SLC2A9: variants seen among roughly 807,000 people sequenced by gnomAD.
SLC2A9 encodes solute carrier family 2 member 9.
Under a neutral mutation model 50.6 loss-of-function variants are expected in SLC2A9, and 39 were observed. The observed-to-expected ratio is 0.77, with a 90% CI of 0.60 to 1.01. SLC2A9 has a LOEUF of 1.01. SLC2A9 is among the 50% of genes least tolerant of loss of function. The pLI, the probability that SLC2A9 is intolerant of heterozygous loss-of-function variation, is 0.00. For synonymous variants in SLC2A9, 324 were observed against 276.9 expected (o/e 1.17, Z -1.69); for missense variants, 686 against 677.6 (o/e 1.01, Z -0.14).
intron 6 of SLC2A9, among the ~76,000 whole-genome samples, chr4:9,927,168 T>G (rs1449503203): frequency 6.8e-6 from 1 of 146,742 alleles, no homozygotes; most frequent in East Asian, 1.9e-4. Context: ...TAGCTGAGAT[T>G]ACAGGCATCC....
intron 11 of SLC2A9, 50 bp downstream of exon 11, chr4:9,834,830 CT>C: frequency 6.2e-7 from 1 of 1,613,292 alleles, no homozygotes; most frequent in Non-Finnish European, 8.5e-7. Context: ...CCCTCAAGTG[CT>C]GCAGAATCAA....
chr4:9,987,611 T>G (rs562388463), intron 3 of SLC2A9, among the ~76,000 whole-genome samples: 2 of 152,292 alleles, frequency 1.3e-5, no homozygotes, highest in African/African-American at 4.8e-5. Flanking sequence ...CTTGCGCTCT[T>G]CCCACCAGCT....
chr4:9,874,569 G>A (rs886732204), intron 10 of SLC2A9, among the ~76,000 whole-genome samples: 1 of 152,220 alleles, frequency 6.6e-6, no homozygotes, highest in African/African-American at 2.4e-5. Context: ...TCTGGAGAAC[G>A]GAGTGCACAT....
intron 7 of SLC2A9, among the ~76,000 whole-genome samples, chr4:9,918,354 C>G (rs1198008990): frequency 6.6e-6 from 1 of 152,164 alleles, no homozygotes; most frequent in Non-Finnish European, 1.5e-5. Context: ...CAGGGGAGAG[C>G]TGGACCACAG....
At chr4:9,859,900 G>A (rs1106058) in intron 10 of SLC2A9, among the ~76,000 whole-genome samples, 39,504 of 152,060 alleles carry the variant, frequency 0.26, 5,528 homozygotes, top group Admixed American at 0.39. Flanking sequence ...CCTCTGCAAG[G>A]CCGAACCATT....
intron 3 of SLC2A9, among the ~76,000 whole-genome samples, chr4:9,785,246 CTGTT>C (rs1466919940): frequency 6.6e-6 from 1 of 152,178 alleles, no homozygotes; most frequent in Non-Finnish European, 1.5e-5. Flanking sequence ...AACTAGATCA[CTGTT>C]TACCCAATTG....
At chr4:9,773,605 G>T (rs1394471858) in intron 1 of SLC2A9, among the ~76,000 whole-genome samples, 1 of 152,242 alleles carries the variant, frequency 6.6e-6, no homozygotes, top group Non-Finnish European at 1.5e-5. Flanking sequence ...CAGGAGCCAG[G>T]CATGTGAAAG....
At chr4:10,022,730 G>T (rs567192633), upstream of SLC2A9, among the ~76,000 whole-genome samples, 2 of 152,308 alleles carry the variant, frequency 1.3e-5, no homozygotes, top group South Asian at 2.1e-4. Context: ...AAAATAAAAG[G>T]TGTGGAGTAC....
At chr4:10,037,531 A>G (rs541532620) in intron 1 of SLC2A9, among the ~76,000 whole-genome samples, 7 of 152,344 alleles carry the variant, frequency 4.6e-5, no homozygotes, top group Admixed American at 4.6e-4. Flanking sequence ...TTGTCTGGGA[A>G]TCAAAATTAA....
chr4:9,847,253 T>C (rs995668695), intron 10 of SLC2A9, among the ~76,000 whole-genome samples: 18 of 152,166 alleles, frequency 1.2e-4, no homozygotes, highest in Non-Finnish European at 2.1e-4. Context: ...CTTATGATCA[T>C]GGTGGAAAGG....
At chr4:9,805,346 C>T (rs1721978600) in intron 3 of SLC2A9, among the ~76,000 whole-genome samples, 1 of 152,232 alleles carries the variant, frequency 6.6e-6, no homozygotes, top group African/African-American at 2.4e-5. Flanking sequence ...CAACACACAT[C>T]ATGCCCATCT....
chr4:9,886,717 G>C (rs979987847), intron 10 of SLC2A9, among the ~76,000 whole-genome samples: 1 of 152,046 alleles, frequency 6.6e-6, no homozygotes, highest in Non-Finnish European at 1.5e-5. Flanking sequence ...CACAACCAAA[G>C]AACAGCCATG....
chr4:9,955,256 G>A lies in SLC2A9; in HGVS notation c.682-13211C>T, dbSNP rs1288927727. Among the ~76,000 whole-genome samples, 8 of 43,652 alleles carry A rather than the reference G, an allele frequency of 1.8e-4. 4 individuals are homozygous for A. The highest frequency in any genetic ancestry group is 1.8e-3 in the African/African-American group (8 of 4,532). The allele number at this position is 43,652 out of a possible 152,430, so 28.6% of individuals were successfully genotyped here. On this transcript the variant is annotated intron_variant, in intron 5 of 11. Coordinates refer to ENST00000264784, the MANE Select transcript of SLC2A9 (RefSeq NM_020041.3). Reference sequence around the variant, plus strand: ...GCTTGTAATCCCAGCACTTTGGGAGGCCGAGGCGGGTGGATCACGAGGTCA... The same window carrying A: ...GCTTGTAATCCCAGCACTTTGGGAGACCGAGGCGGGTGGATCACGAGGTCA...
intron 2 of SLC2A9, among the ~76,000 whole-genome samples, chr4:9,998,419 T>C (rs1229322690): frequency 6.6e-6 from 1 of 152,158 alleles, no homozygotes; most frequent in Non-Finnish European, 1.5e-5. Flanking sequence ...CTCAGGGCTG[T>C]TGTGAGGGTC....
At chr4:10,007,878 C>G (rs983529120) in intron 2 of SLC2A9, among the ~76,000 whole-genome samples, 4 of 152,000 alleles carry the variant, frequency 2.6e-5, no homozygotes, top group Admixed American at 1.3e-4. Context: ...GAACCCCTAG[C>G]TTGTAGATGA....
At chr4:9,784,851 T>C (rs1719016030) in intron 3 of SLC2A9, among the ~76,000 whole-genome samples, 1 of 152,218 alleles carries the variant, frequency 6.6e-6, no homozygotes, top group African/African-American at 2.4e-5. Flanking sequence ...GTTCAATCAA[T>C]TTTGATCTCT....
chr4:9,832,743 C>T (rs1401996282), intron 11 of SLC2A9, among the ~76,000 whole-genome samples: 3 of 152,202 alleles, frequency 2.0e-5, no homozygotes, highest in Non-Finnish European at 2.9e-5. Context: ...GTTACTACAT[C>T]TCTCTGAGCT....
At position 9,948,853 on chromosome 4, in the gene SLC2A9, G is replaced by A. The variant is rs79501171; in HGVS notation, c.682-6808C>T. ...ATCTCCATCTCAGGGTCTCTTTTCTGGGGAACTCAACCTAAGACACATCTA... is the reference window on the plus strand; with the variant it reads ...ATCTCCATCTCAGGGTCTCTTTTCTAGGGAACTCAACCTAAGACACATCTA... On this transcript the variant is annotated intron_variant, in intron 5 of 11. Transcript: ENST00000264784. Among the ~76,000 whole-genome samples the A allele has an allele frequency of 8.5e-3, 1,291 of 152,240 alleles. 6 individuals are homozygous for A. The highest frequency in any genetic ancestry group is 0.034 in the Middle Eastern group (10 of 294).
At chr4:9,868,120 C>T (rs1323343161) in intron 10 of SLC2A9, among the ~76,000 whole-genome samples, 1 of 152,226 alleles carries the variant, frequency 6.6e-6, no homozygotes, top group African/African-American at 2.4e-5. Flanking sequence ...GTCCCATGCC[C>T]TCCTCTGTTG....
Sources: allele counts gnomAD v4.1 joint callset (sites outside exome capture counted in the v4.1 genomes callset), GRCh38; gene constraint gnomAD v4.1.1; transcripts MANE v1.5; gene names NCBI Gene and HGNC (gene_info 2026-07-23, HGNC 2026-07-21).